The following STAB1 variants were observed in gnomAD, a reference collection of about 807,000 sequenced individuals.
The protein encoded by STAB1 is stabilin-1.
STAB1 carries 250 observed loss-of-function variants against 332.4 expected under a neutral mutation model. The ratio of observed to expected loss-of-function variants is 0.75; its 90% CI spans 0.68 to 0.84. The LOEUF (loss-of-function observed/expected upper bound fraction) is 0.84. Among genes scored for constraint, STAB1 ranks in the 40% least tolerant of loss-of-function variants. STAB1 has a pLI of 0.00. For missense variants in STAB1, 3,249 were observed against 3,489.7 expected (o/e 0.93, Z 1.74); for synonymous variants, 1,475 against 1,390.4 (o/e 1.06, Z -1.35).
intron 45 of STAB1, 52 bp from the exon 46 acceptor site, chr3:52,518,260 C>A: frequency 6.2e-7 from 1 of 1,605,964 alleles, no homozygotes; most frequent in East Asian, 2.2e-5. Flanking sequence ...GGACAGGCAC[C>A]AGGCCCTGAA....
Position 52,504,455 on chromosome 3 carries a change from C to G in STAB1, c.1151-6C>G, listed in dbSNP as rs1487168982. 3.7e-6 allele frequency: 6 copies of G among 1,613,842 alleles called. No individual in the cohort carries two copies. The highest frequency in any genetic ancestry group is 1.3e-5 in the African/African-American group (1 of 74,926). On this transcript the variant is annotated splice_region_variant and splice_polypyrimidine_tract_variant and intron_variant, in intron 10 of 68. Transcript: ENST00000321725. ...CCTTCTGATGCTCCCTCACCCTGCC[C>G]CCCAGACCAGGGCTGCCGGGAAATC...
chr3:52,521,638 G>A lies in STAB1; in HGVS notation c.6101G>A (p.Gly2034Glu). The A allele has an allele frequency of 1.9e-6, 3 of 1,613,164 alleles. No homozygotes were observed. The highest frequency in any genetic ancestry group is 2.5e-6 in the Non-Finnish European group (3 of 1,179,910). ...CATGGCCGCTGTGATGAGGGCCTTG[G>A]GGGCTCTGGCTCCTGCTTCTGTGAT... ...TVHGRCDEGLGGSGSCFCDEG... is the reference protein window; with the variant it reads ...TVHGRCDEGLEGSGSCFCDEG... Residue 2034 changes from glycine to glutamate, a missense_variant, in exon 57 of 69, where the codon GGG becomes GAG. Gly to Glu is a moderately conservative substitution (Grantham distance 98). Transcript: ENST00000321725.
At chr3:52,507,444 G>A (rs747421887) in intron 18 of STAB1, among the ~76,000 whole-genome samples, 169 bp from the exon 19 acceptor site, 3 of 152,202 alleles carry the variant, frequency 2.0e-5, no homozygotes, top group Admixed American at 6.5e-5. Flanking sequence ...AGCTCTGCCC[G>A]GCTCGGGGCC....
At chr3:52,505,848 C>T in intron 15 of STAB1, 35 bp from the exon 16 acceptor site, 4 of 1,613,972 alleles carry the variant, frequency 2.5e-6, no homozygotes, top group Non-Finnish European at 3.4e-6. Flanking sequence ...CCCCACAGTT[C>T]CTCCAGGAGC....
chr3:52,522,791 G>A lies in STAB1; in HGVS notation c.6761G>A (p.Cys2254Tyr). 1.2e-6 allele frequency: 2 copies of A among 1,613,222 alleles called. No individual in the cohort carries two copies. Among genetic ancestry groups the A allele is most frequent in the Non-Finnish European group, 1.7e-6 (2 of 1,179,980 alleles). Residue 2254 changes from cysteine to tyrosine, a missense_variant, in exon 62 of 69, where the codon TGC becomes TAC. Coordinates refer to ENST00000321725, the MANE Select transcript of STAB1 (RefSeq NM_015136.3). ...SAAQQLGFHL[C>Y]LMGWLANGST... ...TTCCTACAGCTGGGCTTCCACCTGT[G>A]CCTCATGGGCTGGCTGGCCAATGGC...
rs767890062 is a variant in STAB1, at chr3:52,517,397, A to G, written c.4563+4A>G. On this transcript the variant is annotated splice_donor_region_variant and intron_variant, in intron 43 of 68. Transcript: ENST00000321725. ...CATCCCCACTGGCCCCCAGCAGGTC[A>G]GCATGGCAGGGTTGGACATGGGGCA... The G allele has an allele frequency of 3.9e-5, 63 of 1,600,354 alleles. No homozygotes were observed. The highest frequency in any genetic ancestry group is 5.3e-5 in the Non-Finnish European group (62 of 1,174,020).
chr3:52,523,511 G>A lies in STAB1; in HGVS notation c.7225G>A (p.Ala2409Thr), dbSNP rs143013858. The change falls in exon 65 of 69, where the codon GCC becomes ACC. Residue 2409 changes from alanine to threonine, a missense_variant. By Grantham distance (58) the Ala-to-Thr change is moderately conservative. Transcript: ENST00000321725. ...ANASQGKLLP[A>T]HSGLSLIISD... is the part of the protein sequence containing the mutation. ...CGCCAGCCAGGGGAAGTTGCTTCCGGCCCACTCAGGCCTCAGCCTCATCAT... is the reference window on the plus strand; with the variant it reads ...CGCCAGCCAGGGGAAGTTGCTTCCGACCCACTCAGGCCTCAGCCTCATCAT... 7.8e-5 allele frequency: 125 copies of A among 1,612,658 alleles called. No homozygotes were observed. In the African/African-American group the frequency reaches 1.5e-3, roughly 19 times the overall value.
At chr3:52,519,177 C>T (rs1673161216) in intron 48 of STAB1, 87 bp from the exon 49 acceptor site, 2 of 1,534,592 alleles carry the variant, frequency 1.3e-6, no homozygotes, top group African/African-American at 1.4e-5. Context: ...CTGACTTGCC[C>T]AACCCAGGTT....
Position 52,510,004 on chromosome 3 carries a change from G to T in STAB1, c.2482G>T (p.Ala828Ser). ...SMGDCGPTGL[A>S]QHCHLHARCV... The stretch of plus-strand genomic sequence containing the variant: ...GGGGGACTGTGGGCCCACAGGGCTG[G>T]CCCAGCACTGCCACCTGCATGCCCG... The change falls in exon 23 of 69, where the codon GCC becomes TCC. Residue 828 changes from alanine to serine, a missense_variant. Physicochemically the swap from Ala to Ser is moderately conservative, Grantham distance 99. Coordinates refer to ENST00000321725, the MANE Select transcript of STAB1 (RefSeq NM_015136.3). 1.2e-6 allele frequency: 2 copies of T among 1,608,130 alleles called. No homozygotes were observed. The highest frequency in any genetic ancestry group is 1.7e-6 in the Non-Finnish European group (2 of 1,176,602).
At chr3:52,519,242 C>T (rs752777617) in intron 48 of STAB1, 22 bp from the exon 49 acceptor site, 2 of 1,603,974 alleles carry the variant, frequency 1.2e-6, no homozygotes, top group South Asian at 1.1e-5. Flanking sequence ...TCTGCTTCAT[C>T]AGCCCCGTGC....
At position 52,504,875 on chromosome 3, in the gene STAB1, C is replaced by T. The variant is rs747904411; in HGVS notation, c.1376C>T (p.Thr459Met). The change falls in exon 12 of 69, where the codon ACG becomes ATG. Residue 459 changes from threonine to methionine, a missense_variant and splice_region_variant. Physicochemically the swap from Thr to Met is moderately conservative, Grantham distance 81. Coordinates refer to ENST00000321725, the MANE Select transcript of STAB1 (RefSeq NM_015136.3). The stretch of plus-strand genomic sequence containing the variant: ...ATCACCGTCACCTTTAACCAATTCA[C>T]GGTGAGGGAGGAGCCTCAGCCTGGG... ...QEITVTFNQF[T>M]KYSYKYKDQP... The T allele has an allele frequency of 4.0e-5, 65 of 1,613,530 alleles. No individual in the cohort carries two copies. The South Asian group carries it at 5.8e-4, about 14-fold the overall frequency.
chr3:52,518,932 C>T, intron 48 of STAB1, 63 bp downstream of exon 48: 2 of 1,421,560 alleles, frequency 1.4e-6, no homozygotes, highest in Admixed American at 2.6e-5. Context: ...CGCGCCATTG[C>T]CCCAGGCCCC....
chr3:52,518,669 G>A (rs894422659), intron 47 of STAB1, 54 bp from the exon 48 acceptor site: 1 of 1,611,836 alleles, frequency 6.2e-7, no homozygotes, highest in Middle Eastern at 1.7e-4. Context: ...TGGTGGCCCT[G>A]CGTGGGCTGA....
intron 3 of STAB1, 59 bp downstream of exon 3, chr3:52,501,812 G>A: frequency 2.7e-6 from 4 of 1,501,618 alleles, no homozygotes; most frequent in Non-Finnish European, 3.6e-6. Flanking sequence ...CTCTGGGCAA[G>A]CCCTCTGCAG....
chr3:52,523,771 G>A lies in STAB1; in HGVS notation c.7395+15G>A. On this transcript the variant is annotated intron_variant, in intron 66 of 68. Transcript: ENST00000321725. ...CCCCACAGCCCGTGAGTTGAGGAAG[G>A]GGGAGGCAGAGCCCTTCCTGGCACC... The A allele has an allele frequency of 5.6e-6, 9 of 1,594,348 alleles. No homozygotes were observed. The highest frequency in any genetic ancestry group is 7.7e-6 in the Non-Finnish European group (9 of 1,165,642).
chr3:52,515,245 C>T (rs373649084), intron 36 of STAB1, among the ~76,000 whole-genome samples, 178 bp from the exon 37 acceptor site: 4 of 152,144 alleles, frequency 2.6e-5, no homozygotes, highest in South Asian at 2.1e-4. Context: ...ACTTGCGGCC[C>T]GAGGCTTGGA....
At position 52,516,546 on chromosome 3, in the gene STAB1, C is replaced by A; in HGVS notation, c.4245C>A (p.Ile1415=). 6.2e-7 allele frequency: 1 copy of A among 1,613,190 alleles called. No homozygotes were observed. Among genetic ancestry groups the A allele is most frequent in the Non-Finnish European group, 8.5e-7 (1 of 1,179,898 alleles). Residue 1415 remains isoleucine, a synonymous_variant, in exon 40 of 69, where the codon ATC becomes ATA. Transcript: ENST00000321725. Reference sequence around the variant, plus strand: ...AGTCATCCTCCTGCCCCCCAGAAATCACCAGCCCTCAGTGCCCTAGGAAGT... The same window carrying A: ...AGTCATCCTCCTGCCCCCCAGAAATAACCAGCCCTCAGTGCCCTAGGAAGT... ...GWQGLRCDQK[I]TSPQCPRKCD...
Position 52,523,857 on chromosome 3 carries a change from C to CTT in STAB1, c.7396-13_7396-12insTT. The stretch of plus-strand genomic sequence containing the variant: ...AGCTCCCGCCAGGTCAACACTCTCC[C>CTT]TGTTTGTTTGTAGCAGGCAGTGCTG... On this transcript the variant is annotated splice_polypyrimidine_tract_variant and intron_variant, in intron 66 of 68. Transcript: ENST00000321725. 1 of 1,593,604 alleles carries CTT rather than the reference C, an allele frequency of 6.3e-7. No individual in the cohort carries two copies. The highest frequency in any genetic ancestry group is 8.5e-7 in the Non-Finnish European group (1 of 1,169,872).
At position 52,503,025 on chromosome 3, in the gene STAB1, TGTCCCCAGAACAC is replaced by T; in HGVS notation, c.611_623del (p.Cys204SerfsTer42). The T allele has an allele frequency of 6.3e-7, 1 of 1,598,936 alleles. No individual in the cohort carries two copies. ...GCTGCCCGTCTGCCAGGAGCTGCGC[TGTCCCCAGAACAC>T]CCAGTGCTCCGCAGAGGCTCCCAGC... On this transcript the variant is annotated frameshift_variant, in exon 7 of 69. Transcript: ENST00000321725. LOFTEE classifies it high-confidence loss of function.
Sources: allele counts gnomAD v4.1 joint callset (sites outside exome capture counted in the v4.1 genomes callset), GRCh38; gene constraint gnomAD v4.1.1; transcripts MANE v1.5; gene names NCBI Gene and HGNC (gene_info 2026-07-23, HGNC 2026-07-21).